The following PDE3A variants were observed in gnomAD, a reference collection of about 807,000 sequenced individuals.
PDE3A encodes the protein phosphodiesterase 3A.
A neutral mutation model predicts 98.3 loss-of-function variants in PDE3A; 43 were observed. The observed-to-expected ratio is 0.44, with a 90% CI of 0.34 to 0.56. The LOEUF (loss-of-function observed/expected upper bound fraction) is 0.56, where lower values mean the gene tolerates loss of function less well. Ranked by LOEUF, PDE3A falls within the 20% of genes least tolerant of loss-of-function variation. The pLI is 0.01. For synonymous variants in PDE3A, 663 were observed against 567.9 expected (o/e 1.17, Z -2.38); for missense variants, 1,427 against 1,440.7 (o/e 0.99, Z 0.15).
At chr12:20,371,465 C>A (rs1183730750) in intron 1 of PDE3A, 6 of 981,186 alleles carry the variant, frequency 6.1e-6, no homozygotes, top group Non-Finnish European at 7.3e-6. Flanking sequence ...AAGAGAATAT[C>A]CTAAGATAAA....
In PDE3A at chr12:20,616,373, A is replaced by G. The variant is rs1417109973; in HGVS notation, c.1413A>G (p.Ala471=). ...GCACCAGCATCAAACTGCAGGAAGC[A>G]CCTTCATCCAGGTGGCATACGGCTC... ...DRSTSIKLQE[A]PSSSPDSWNN... The change falls in exon 4 of 16, where the codon GCA becomes GCG. Residue 471 remains alanine, a synonymous_variant. Coordinates refer to ENST00000359062, the MANE Select transcript of PDE3A (RefSeq NM_000921.5). The G allele has an allele frequency of 3.1e-6, 5 of 1,612,926 alleles. No homozygotes were observed. The highest frequency in any genetic ancestry group is 4.2e-6 in the Non-Finnish European group (5 of 1,179,276).
chr12:20,557,940 A>T (rs1250993742), intron 2 of PDE3A, among the ~76,000 whole-genome samples: 2 of 152,138 alleles, frequency 1.3e-5, no homozygotes, highest in African/African-American at 2.4e-5. Flanking sequence ...ATTAACATAG[A>T]GTAAATTCTT....
chr12:20,679,367 C>A (rs921935043), intron 15 of PDE3A, among the ~76,000 whole-genome samples: 1 of 152,288 alleles, frequency 6.6e-6, no homozygotes, highest in East Asian at 1.9e-4. Flanking sequence ...CCTGCCTCAA[C>A]CTCCTGAGTA....
intron 1 of PDE3A, among the ~76,000 whole-genome samples, chr12:20,511,340 A>G (rs1367911562): frequency 6.6e-6 from 1 of 151,860 alleles, no homozygotes; most frequent in Middle Eastern, 3.2e-3. Flanking sequence ...AAAGTGGCTT[A>G]ATCTAGGGCT....
At chr12:20,445,103 C>T (rs147235443) in intron 1 of PDE3A, among the ~76,000 whole-genome samples, 17 of 152,240 alleles carry the variant, frequency 1.1e-4, no homozygotes, top group Non-Finnish European at 1.6e-4. Flanking sequence ...CACAAGTAAA[C>T]GGGTTGCAAA....
chr12:20,375,970 A>T (rs902368711), intron 1 of PDE3A, among the ~76,000 whole-genome samples: 5 of 151,950 alleles, frequency 3.3e-5, no homozygotes, highest in African/African-American at 4.8e-5. Context: ...ATAGATGGTT[A>T]AACATAAATG....
At chr12:20,403,167 C>T (rs1173668448) in intron 1 of PDE3A, among the ~76,000 whole-genome samples, 3 of 152,118 alleles carry the variant, frequency 2.0e-5, no homozygotes, top group Non-Finnish European at 4.4e-5. Flanking sequence ...CTATCTTTAT[C>T]AACTTGAATT....
At chr12:20,617,301 CT>C (rs1467456343) in intron 4 of PDE3A, among the ~76,000 whole-genome samples, 3 of 152,158 alleles carry the variant, frequency 2.0e-5, no homozygotes, top group Admixed American at 2.0e-4. Flanking sequence ...GCTGACCTTT[CT>C]TTTTTGATTA....
chr12:20,644,710 G>A (rs10841583), intron 10 of PDE3A, among the ~76,000 whole-genome samples: 114,446 of 151,868 alleles, frequency 0.75, 43,143 homozygotes, highest in East Asian at 0.86. Flanking sequence ...CAATCTTAAT[G>A]AAATTGCTCT....
rs1565532384 is a variant in PDE3A, at chr12:20,386,039, A to AT, written c.960+15795_960+15796insT. Among the ~76,000 whole-genome samples, 13 of 80,638 alleles carry AT rather than the reference A, an allele frequency of 1.6e-4. 1 individual carries two copies. Among genetic ancestry groups the AT allele is most frequent in the African/African-American group, 5.8e-4 (11 of 18,966 alleles). The allele number at this position is 80,638 out of a possible 152,430, so 52.9% of individuals were successfully genotyped here. On this transcript the variant is annotated intron_variant, in intron 1 of 15. Coordinates refer to ENST00000359062, the MANE Select transcript of PDE3A (RefSeq NM_000921.5). ...ATAAAATATATATATAAATATATATAAAATATATATAAATATATATAAATA... is the reference window on the plus strand; with the variant it reads ...ATAAAATATATATATAAATATATATATAAATATATATAAATATATATAAATA...
At chr12:20,606,528 C>T (rs947555886) in intron 2 of PDE3A, among the ~76,000 whole-genome samples, 8 of 152,026 alleles carry the variant, frequency 5.3e-5, no homozygotes, top group African/African-American at 1.7e-4. Context: ...CATATCAGTA[C>T]TGCAATGTCA....
chr12:20,481,580 T>G (rs1945626455), intron 1 of PDE3A, among the ~76,000 whole-genome samples: 1 of 151,928 alleles, frequency 6.6e-6, no homozygotes, highest in Admixed American at 6.6e-5. Context: ...ACATATAGAG[T>G]AACACAATGA....
chr12:20,523,950 C>T (rs1946472652), intron 1 of PDE3A, among the ~76,000 whole-genome samples: 1 of 152,070 alleles, frequency 6.6e-6, no homozygotes, highest in African/African-American at 2.4e-5. Flanking sequence ...ATGTGTGTAT[C>T]ACTGATAAAA....
Position 20,552,168 on chromosome 12 carries a change from T to C in PDE3A, c.961-4492T>C. ...ACAGGGCGCTGGCTCTCAACTGCTTTGCTCCCATCAATGACCAAGAAGGGG... is the reference window on the plus strand; with the variant it reads ...ACAGGGCGCTGGCTCTCAACTGCTTCGCTCCCATCAATGACCAAGAAGGGG... On this transcript the variant is annotated intron_variant, in intron 1 of 15. Transcript: ENST00000359062. This position sits in a 1 kb window ranked among gnomAD's most constrained non-coding sequence, Gnocchi z 5.1. 6.2e-7 allele frequency: 1 copy of C among 1,613,728 alleles called. No homozygotes were observed. The highest frequency in any genetic ancestry group is 1.3e-5 in the African/African-American group (1 of 75,024).
intron 15 of PDE3A, among the ~76,000 whole-genome samples, chr12:20,660,192 T>C (rs990557938): frequency 1.3e-5 from 2 of 152,202 alleles, no homozygotes; most frequent in African/African-American, 4.8e-5. Flanking sequence ...TCTCTTTGTA[T>C]GACCATGTGA....
intron 15 of PDE3A, among the ~76,000 whole-genome samples, chr12:20,663,467 C>G (rs1028267752): frequency 1.4e-5 from 2 of 142,480 alleles, no homozygotes; most frequent in African/African-American, 4.9e-5. Context: ...CTGTACCCTG[C>G]AAAGCCACAG....
At chr12:20,375,115 T>C (rs1368389724) in intron 1 of PDE3A, among the ~76,000 whole-genome samples, 1 of 151,866 alleles carries the variant, frequency 6.6e-6, no homozygotes. Flanking sequence ...AACCCTCAAA[T>C]TGAGATTAAA....
At chr12:20,479,007 A>T (rs1430978401) in intron 1 of PDE3A, among the ~76,000 whole-genome samples, 1 of 152,192 alleles carries the variant, frequency 6.6e-6, no homozygotes, top group African/African-American at 2.4e-5. Flanking sequence ...ATTTTTCAAC[A>T]TTTATTAAAA....
chr12:20,604,805 T>C (rs531096660), intron 2 of PDE3A, among the ~76,000 whole-genome samples: 1 of 152,322 alleles, frequency 6.6e-6, no homozygotes, highest in African/African-American at 2.4e-5. Context: ...CAAGAATGTT[T>C]CTCTCAAGTA....
Sources: gnomAD v4.1 joint callset for allele counts (sites outside exome capture counted in the v4.1 genomes callset) on GRCh38, gnomAD v4.1.1 for gene constraint, Gnocchi (gnomAD v3.1) non-coding constraint, MANE v1.5 for transcripts, NCBI Gene and HGNC (gene_info 2026-07-23, HGNC 2026-07-21) for gene names.